MUC3A: variants seen among roughly 807,000 people sequenced by gnomAD.
MUC3A encodes the protein mucin-3A.
Under a neutral mutation model 109.0 loss-of-function variants are expected in MUC3A, and 109 were observed. The ratio of observed to expected loss-of-function variants is 1.00; its 90% CI spans 0.86 to 1.17. The LOEUF is 1.17. Ranked by LOEUF, MUC3A falls within the 50% of genes most tolerant of loss-of-function variation. MUC3A has a pLI of 0.00. For missense variants in MUC3A, 3,537 were observed against 2,469.4 expected (o/e 1.43, Z -9.16); for synonymous variants, 1,398 against 981.4 (o/e 1.42, Z -7.93).
At position 100,960,094 on chromosome 7, in the gene MUC3A, C is replaced by T. The variant is rs1359216268; in HGVS notation, c.8315C>T (p.Thr2772Ile). ...SLPSTTPCPG[T>I]ITITIVPASP... ...CCCTCCACCACACCCTGTCCAGGAA[C>T]TATAACAATTACCATAGTCCCTGCC... Residue 2772 changes from threonine (T) to isoleucine (I), a missense_variant, in exon 2 of 12, where the codon ACT becomes ATT. Thr to Ile is a moderately conservative substitution (Grantham distance 89). Coordinates refer to ENST00000379458, the MANE Select transcript of MUC3A (RefSeq NM_005960.2). 6.6e-7 allele frequency: 1 copy of T among 1,524,590 alleles called. No individual in the cohort carries two copies. The highest frequency in any genetic ancestry group is 2.0e-5 in the Admixed American group (1 of 49,286). The allele number at this position is 1,524,590 out of a possible 1,614,324, so 94.4% of individuals were successfully genotyped here.
Position 100,952,888 on chromosome 7 carries a change from C to A in MUC3A, c.1109C>A (p.Thr370Asn). Reference protein sequence around the residue: ...TLSTETSLPPTSSSLPTTETA... With the variant: ...TLSTETSLPPNSSSLPTTETA... ...TCCACAGAGACTTCTCTCCCACCCA[C>A]CTCTTCCTCTCTCCCAACCACAGAA... Residue 370 changes from threonine to asparagine, a missense_variant, in exon 2 of 12, where the codon ACC becomes AAC. Transcript: ENST00000379458. The A allele has an allele frequency of 6.4e-7, 1 of 1,566,508 alleles. No individual in the cohort carries two copies. The highest frequency in any genetic ancestry group is 8.6e-7 in the Non-Finnish European group (1 of 1,163,644).
At position 100,957,464 on chromosome 7, in the gene MUC3A, G is replaced by A. The variant is rs1179276699; in HGVS notation, c.5685G>A (p.Thr1895=). 1.0e-5 allele frequency: 10 copies of A among 980,260 alleles called. No individual in the cohort carries two copies. In the African/African-American group the frequency reaches 2.3e-4, roughly 22 times the overall value. The allele number at this position is 980,260 out of a possible 1,614,324, so 60.7% of individuals were successfully genotyped here. The change falls in exon 2 of 12, where the codon ACG becomes ACA. Residue 1895 remains threonine (T), a synonymous_variant. Coordinates refer to ENST00000379458, the MANE Select transcript of MUC3A (RefSeq NM_005960.2). The part of the protein sequence containing the change: ...ATVPTTNLVT[T]TTKITSHSTP... ...TTCCAACAACAAACTTGGTAACCAC[G>A]ACCACCAAGATCACCTCACACAGTA...
At chr7:100,964,594 C>T (rs1291080081) in intron 5 of MUC3A, 101 bp from the exon 6 acceptor site, 34 of 1,341,700 alleles carry the variant, frequency 2.5e-5, no homozygotes, top group Admixed American at 1.5e-4. Context: ...ACCTCTGCTC[C>T]CTTCCCCCTT....
intron 7 of MUC3A, 95 bp downstream of exon 7, chr7:100,965,442 C>T (rs1584812379): frequency 2.0e-6 from 3 of 1,522,878 alleles, no homozygotes; most frequent in African/African-American, 1.4e-5. Context: ...AGGGAGAGAC[C>T]TTTGGGGGAG....
At position 100,959,697 on chromosome 7, in the gene MUC3A, C is replaced by G. The variant is rs1792248132; in HGVS notation, c.7918C>G (p.Gln2640Glu). The G allele has an allele frequency of 1.3e-6, 2 of 1,598,548 alleles. No homozygotes were observed. Among genetic ancestry groups the G allele is most frequent in the Non-Finnish European group, 1.7e-6 (2 of 1,179,822 alleles). ...PIPSTHSSTL[Q>E]TTPSTPSLQT... ...TCCTAGCACACATTCCTCCACCCTTCAAACAACTCCTTCTACTCCCTCATT... is the reference window on the plus strand; with the variant it reads ...TCCTAGCACACATTCCTCCACCCTTGAAACAACTCCTTCTACTCCCTCATT... The change falls in exon 2 of 12, where the codon CAA becomes GAA. Residue 2640 changes from glutamine to glutamate, a missense_variant. Transcript: ENST00000379458.
At chr7:100,966,600 A>G (rs1014017054) in intron 9 of MUC3A, 41 bp downstream of exon 9, 1 of 1,595,838 alleles carries the variant, frequency 6.3e-7, no homozygotes, top group Non-Finnish European at 8.5e-7. Context: ...GAGGGCAGCC[A>G]AGGGGTCCCA....
At chr7:100,961,030 C>T in intron 3 of MUC3A, 93 bp downstream of exon 3, 1 of 1,582,800 alleles carries the variant, frequency 6.3e-7, no homozygotes, top group Admixed American at 1.8e-5. Context: ...TGGAGGCACC[C>T]ATGCCTTTTT....
At chr7:100,965,560 C>T (rs1400264820) in intron 7 of MUC3A, 144 bp from the exon 8 acceptor site, 4 of 1,448,916 alleles carry the variant, frequency 2.8e-6, no homozygotes, top group East Asian at 2.5e-5. Flanking sequence ...GTGGCCTCCC[C>T]TCATCGAATC....
Position 100,953,440 on chromosome 7 carries a change from C to T in MUC3A, c.1661C>T (p.Ser554Leu). 1.9e-6 allele frequency: 1 copy of T among 526,072 alleles called. No individual in the cohort carries two copies. The highest frequency in any genetic ancestry group is 3.3e-6 in the Non-Finnish European group (1 of 303,090). 32.6% of individuals were successfully genotyped at this position (526,072 alleles called of 1,614,324 possible). A position where few individuals can be genotyped will look rare whatever the true frequency, so the allele number is the denominator to read the frequency against. ...ACCACTCACACAGAGAGTATCTCCT[C>T]ACCTCCAGCCAGCACCAGTACACTC... is the stretch of plus-strand genomic sequence containing the variant. ...AGTTHTESIS[S>L]PPASTSTLHT... Residue 554 changes from serine to leucine, a missense_variant, in exon 2 of 12, where the codon TCA becomes TTA. Coordinates refer to ENST00000379458, the MANE Select transcript of MUC3A (RefSeq NM_005960.2).
chr7:100,966,537 T>C lies in MUC3A; in HGVS notation c.9763T>C (p.Trp3255Arg), dbSNP rs1461785702. The C allele has an allele frequency of 7.3e-7, 1 of 1,360,744 alleles. No individual in the cohort carries two copies. 84.3% of individuals were successfully genotyped at this position (1,360,744 alleles called of 1,614,324 possible). Reference sequence around the variant, plus strand: ...CGTCCGGGCGGTGCGCTCCGGATGGTGGGGCGGCCAGCGCCGAGGCCGGTG... The same window carrying C: ...CGTCCGGGCGGTGCGCTCCGGATGGCGGGGCGGCCAGCGCCGAGGCCGGTG... ...LGVRAVRSGW[W>R]GGQRRGRSWD... Residue 3255 changes from tryptophan (W) to arginine (R), a missense_variant, in exon 9 of 12, where the codon TGG (tryptophan) becomes CGG (arginine). Trp to Arg is a moderately radical substitution (Grantham distance 101). Transcript: ENST00000379458.
Position 100,952,315 on chromosome 7 carries a change from C to T in MUC3A, c.536C>T (p.Thr179Ile), listed in dbSNP as rs758571045. 3 of 1,598,546 alleles carry T rather than the reference C, an allele frequency of 1.9e-6. No homozygotes were observed. Among genetic ancestry groups the T allele is most frequent in the Admixed American group, 1.7e-5 (1 of 60,032 alleles). Residue 179 changes from threonine (T) to isoleucine (I), a missense_variant, in exon 2 of 12, where the codon ACT becomes ATT. Transcript: ENST00000379458. ...TVTSTYSMTT[T>I]EKGTSAMTSS... ...ACCAGTACTTACTCTATGACCACTA[C>T]TGAGAAAGGAACGTCAGCCATGACA...
chr7:100,965,498 G>A, intron 7 of MUC3A, 151 bp downstream of exon 7: 1 of 1,439,512 alleles, frequency 6.9e-7, no homozygotes, highest in South Asian at 1.3e-5. Flanking sequence ...CTGGTTAGTG[G>A]CTTCCACCTG....
In MUC3A at chr7:100,953,038, C is replaced by T; in HGVS notation, c.1259C>T (p.Ser420Leu). 1 of 1,519,436 alleles carries T rather than the reference C, an allele frequency of 6.6e-7. No individual in the cohort carries two copies. Among genetic ancestry groups the T allele is most frequent in the Non-Finnish European group, 9.0e-7 (1 of 1,107,812 alleles). The allele number at this position is 1,519,436 out of a possible 1,614,324, so 94.1% of individuals were successfully genotyped here. Residue 420 changes from serine (S) to leucine (L), a missense_variant, in exon 2 of 12, where the codon TCA (serine) becomes TTA (leucine). Coordinates refer to ENST00000379458, the MANE Select transcript of MUC3A (RefSeq NM_005960.2). ...AGCACATCCACAACTGCCATCTCCTCACTTCCCCCTACCTCAGGTACTATG... is the reference window on the plus strand; with the variant it reads ...AGCACATCCACAACTGCCATCTCCTTACTTCCCCCTACCTCAGGTACTATG... ...TVSTSTTAISSLPPTSGTMVT... is the reference protein window; with the variant it reads ...TVSTSTTAISLLPPTSGTMVT...
chr7:100,966,361 G>A (rs745858173), intron 8 of MUC3A, 25 bp from the exon 9 acceptor site: 1 of 1,318,244 alleles, frequency 7.6e-7, no homozygotes, highest in East Asian at 2.8e-5. Context: ...AGGTGAAGAG[G>A]GTCTGACCCT....
At chr7:100,962,423 TA>T (rs1245729716) in intron 3 of MUC3A, among the ~76,000 whole-genome samples, 4 of 1,060 alleles carry the variant, frequency 3.8e-3, no homozygotes, top group Non-Finnish European at 0.022. Context: ...ATCTCAACAA[TA>T]AAAAAAAGTT....
intron 4 of MUC3A, among the ~76,000 whole-genome samples, 152 bp from the exon 5 acceptor site, chr7:100,963,536 C>G (rs918988446): frequency 6.6e-6 from 1 of 152,310 alleles, no homozygotes; most frequent in Non-Finnish European, 1.5e-5. Flanking sequence ...CCACCTGCCT[C>G]GTCCTCCCAA....
Position 100,959,090 on chromosome 7 carries a change from A to G in MUC3A, c.7311A>G (p.Ser2437=), listed in dbSNP as rs977511875. ...CAATCACCACCACTGAGACCACCTC[A>G]GAGAGTACTCCCAGCCTCAGTTCTT... ...TSSITTTETT[S]ESTPSLSSST... is the part of the protein sequence containing the mutation. Residue 2437 remains serine (S), a synonymous_variant, in exon 2 of 12, where the codon TCA becomes TCG. Transcript: ENST00000379458. The G allele has an allele frequency of 2.5e-6, 4 of 1,595,394 alleles. No individual in the cohort carries two copies. The Admixed American group carries it at 5.0e-5, about 20-fold the overall frequency.
At chr7:100,963,076 GTT>G in intron 3 of MUC3A, 73 bp from the exon 4 acceptor site, 1 of 1,506,126 alleles carries the variant, frequency 6.6e-7, no homozygotes, top group Non-Finnish European at 9.0e-7. Context: ...GAGCCTGTGG[GTT>G]GGGGTGGTGG....
chr7:100,961,457 A>T (rs73163768), intron 3 of MUC3A, among the ~76,000 whole-genome samples: 1 of 152,296 alleles, frequency 6.6e-6, no homozygotes, highest in African/African-American at 2.4e-5. Flanking sequence ...TGGCCTCCTC[A>T]ATTGCTTCTC....
Sources: allele counts gnomAD v4.1 joint callset (sites outside exome capture counted in the v4.1 genomes callset), GRCh38; gene constraint gnomAD v4.1.1; transcripts MANE v1.5; gene names NCBI Gene and HGNC (gene_info 2026-07-23, HGNC 2026-07-21).